RAD54L2: variants seen among roughly 807,000 people sequenced by gnomAD.
RAD54L2 encodes the protein helicase ARIP4.
RAD54L2 carries 27 observed loss-of-function variants against 138.4 expected under a neutral mutation model. The ratio of observed to expected loss-of-function variants is 0.20; its 90% CI spans 0.14 to 0.27. The LOEUF (loss-of-function observed/expected upper bound fraction) is 0.27, where lower values mean the gene tolerates loss of function less well. Ranked by LOEUF, RAD54L2 falls within the 10% of genes least tolerant of loss-of-function variation. The pLI is 1.00. For missense variants in RAD54L2, 1,396 were observed against 1,890.2 expected, an observed-to-expected ratio of 0.74 and a Z score of 4.85; for synonymous variants, 644 against 723.2, an observed-to-expected ratio of 0.89 and a Z score of 1.76.
intron 2 of RAD54L2, among the ~76,000 whole-genome samples, chr3:51,549,735 G>A (rs1246059861): frequency 2.1e-5 from 3 of 144,492 alleles, no homozygotes; most frequent in Non-Finnish European, 3.0e-5. Flanking sequence ...CTGAGATCAC[G>A]CCACTGCACT....
At chr3:51,610,183 G>A (rs1700296028) in intron 3 of RAD54L2, among the ~76,000 whole-genome samples, 1 of 151,962 alleles carries the variant, frequency 6.6e-6, no homozygotes, top group Admixed American at 6.6e-5. Flanking sequence ...AGGGAGAAGC[G>A]ATGTGATTCT....
Position 51,645,093 on chromosome 3 carries a change from T to G in RAD54L2, c.2520T>G (p.Pro840=), listed in dbSNP as rs772059939. 3 of 1,614,004 alleles carry G rather than the reference T, an allele frequency of 1.9e-6. No individual in the cohort carries two copies. The highest frequency in any genetic ancestry group is 2.5e-6 in the Non-Finnish European group (3 of 1,179,888). Reference sequence around the variant, plus strand: ...TGGTGTTTGATGCTTCCTGGAACCCTTGCCATGATGCCCAGGCAGTATGTC... The same window carrying G: ...TGGTGTTTGATGCTTCCTGGAACCCGTGCCATGATGCCCAGGCAGTATGTC... ...RVVVFDASWN[P]CHDAQAVCRV... Residue 840 remains proline, a synonymous_variant, in exon 17 of 23, where the codon CCT becomes CCG. Transcript: ENST00000684192. The surrounding 1 kb of genome is among the most constrained non-coding windows in gnomAD (Gnocchi z 6.1).
chr3:51,551,986 G>A (rs1698850857), intron 2 of RAD54L2, among the ~76,000 whole-genome samples: 2 of 151,860 alleles, frequency 1.3e-5, no homozygotes, highest in South Asian at 2.1e-4. Context: ...TCTTGACCTC[G>A]TGATCTGCCC....
At chr3:51,634,358 A>AAT (rs1700926531) in intron 9 of RAD54L2, among the ~76,000 whole-genome samples, 4 of 94,928 alleles carry the variant, frequency 4.2e-5, no homozygotes, top group Admixed American at 1.1e-4. Flanking sequence ...CCACTGTCTG[A>AAT]TTTTTTTTTT....
At chr3:51,611,092 C>G (rs1559636010) in intron 3 of RAD54L2, among the ~76,000 whole-genome samples, 1 of 151,982 alleles carries the variant, frequency 6.6e-6, no homozygotes, top group Non-Finnish European at 1.5e-5. Flanking sequence ...TAGCCCATTC[C>G]TTTAACAGAT....
In RAD54L2 at chr3:51,662,109, A is replaced by G. The variant is rs1701792440; in HGVS notation, c.3410-317A>G. ...ATCACTGACTGTCTCTTACTGCCAG[A>G]AAAAGTTTGACTAGTTTTAAGAATG... On this transcript the variant is annotated intron_variant, in intron 22 of 22. Transcript: ENST00000684192. This position sits in a 1 kb window ranked among gnomAD's most constrained non-coding sequence, Gnocchi z 4.6. Among the ~76,000 whole-genome samples the G allele has an allele frequency of 6.6e-6, 1 of 152,160 alleles. No homozygotes were observed. Among genetic ancestry groups the G allele is most frequent in the Non-Finnish European group, 1.5e-5 (1 of 68,032 alleles).
intron 10 of RAD54L2, among the ~76,000 whole-genome samples, chr3:51,636,912 G>A (rs1020769658): frequency 1.3e-5 from 2 of 151,930 alleles, no homozygotes; most frequent in African/African-American, 2.4e-5. Context: ...CAGCCTGGAC[G>A]ACAGTGTGAG....
chr3:51,639,305 A>G (rs778984957), intron 12 of RAD54L2, 114 bp from the exon 13 acceptor site: 15 of 1,292,194 alleles, frequency 1.2e-5, no homozygotes, highest in African/African-American at 3.0e-5. Context: ...TTTTGGTGTG[A>G]CAGTGTTTAT....
chr3:51,590,379 G>T lies in RAD54L2; in HGVS notation c.-42G>T. On this transcript the variant is annotated 5_prime_UTR_variant, in exon 3 of 23. Coordinates refer to ENST00000684192, the MANE Select transcript of RAD54L2 (RefSeq NM_015106.4). Reference sequence around the variant, plus strand: ...CATCCTCTCCTAGCACCCCTGCAGTGGACCATGAGTCGGTAATGCCCACTG... The same window carrying T: ...CATCCTCTCCTAGCACCCCTGCAGTTGACCATGAGTCGGTAATGCCCACTG... 6.7e-7 allele frequency: 1 copy of T among 1,485,226 alleles called. No homozygotes were observed. The allele number at this position is 1,485,226 out of a possible 1,614,324, so 92.0% of individuals were successfully genotyped here. A position where few individuals can be genotyped will look rare whatever the true frequency, so the allele number is the denominator to read the frequency against.
intron 2 of RAD54L2, among the ~76,000 whole-genome samples, chr3:51,562,455 C>T (rs1699121585): frequency 6.6e-6 from 1 of 152,204 alleles, no homozygotes; most frequent in Non-Finnish European, 1.5e-5. Context: ...GTTTTGAACT[C>T]TGGACCTCAG....
intron 2 of RAD54L2, among the ~76,000 whole-genome samples, chr3:51,586,055 G>C (rs943294836): frequency 6.6e-6 from 1 of 151,722 alleles, no homozygotes; most frequent in Non-Finnish European, 1.5e-5. Flanking sequence ...TAACAGTTCT[G>C]CTAAGAGCTG....
At chr3:51,646,772 A>T (rs911155594) in intron 19 of RAD54L2, among the ~76,000 whole-genome samples, 2 of 152,178 alleles carry the variant, frequency 1.3e-5, no homozygotes, top group East Asian at 3.9e-4. Context: ...AGGCCCAGCC[A>T]TTCCACACAG....
At chr3:51,562,734 A>G (rs897467260) in intron 2 of RAD54L2, among the ~76,000 whole-genome samples, 14 of 152,026 alleles carry the variant, frequency 9.2e-5, no homozygotes, top group Non-Finnish European at 7.4e-5. Flanking sequence ...GGCTGGTCTC[A>G]AAGTCTGTGC....
At chr3:51,602,076 C>T (rs1261709700) in intron 3 of RAD54L2, among the ~76,000 whole-genome samples, 1 of 152,028 alleles carries the variant, frequency 6.6e-6, no homozygotes, top group Non-Finnish European at 1.5e-5. Flanking sequence ...AAGTGATCCG[C>T]CTGCCTTTGC....
chr3:51,555,160 G>A (rs901940260), intron 2 of RAD54L2, among the ~76,000 whole-genome samples: 7 of 152,194 alleles, frequency 4.6e-5, no homozygotes, highest in East Asian at 3.9e-4. Flanking sequence ...CCTTTCTATT[G>A]ATTCCAGATT....
intron 3 of RAD54L2, among the ~76,000 whole-genome samples, chr3:51,610,785 AG>A (rs1289245650): frequency 6.6e-6 from 1 of 152,172 alleles, no homozygotes; most frequent in Non-Finnish European, 1.5e-5. Flanking sequence ...GGTCTCCTTG[AG>A]AGAGGCTGCC....
At position 51,637,042 on chromosome 3, in the gene RAD54L2, C is replaced by G; in HGVS notation, c.1340-119C>G. On this transcript the variant is annotated intron_variant, in intron 10 of 22. Coordinates refer to ENST00000684192, the MANE Select transcript of RAD54L2 (RefSeq NM_015106.4). The surrounding 1 kb of genome is among the most constrained non-coding windows in gnomAD (Gnocchi z 5.9). ...ACCCTCTCACCAAGGGGGGCTGACT[C>G]TTGCTTTCCTGCTTCCTTCATTTCT... is the stretch of plus-strand genomic sequence containing the variant. 1.1e-6 allele frequency: 1 copy of G among 913,610 alleles called. No individual in the cohort carries two copies. Among genetic ancestry groups the G allele is most frequent in the South Asian group, 1.5e-5 (1 of 64,872 alleles). 56.6% of individuals were successfully genotyped at this position (913,610 alleles called of 1,614,324 possible). A position where few individuals can be genotyped will look rare whatever the true frequency, so the allele number is the denominator to read the frequency against.
At chr3:51,561,525 G>A (rs550602503) in intron 2 of RAD54L2, among the ~76,000 whole-genome samples, 4 of 151,802 alleles carry the variant, frequency 2.6e-5, no homozygotes, top group African/African-American at 7.3e-5. Context: ...GATTATAGGC[G>A]TGAGCCACCA....
In RAD54L2 at chr3:51,638,407, T is replaced by A; in HGVS notation, c.1860+86T>A. On this transcript the variant is annotated intron_variant, in intron 12 of 22. Transcript: ENST00000684192. This position sits in a 1 kb window ranked among gnomAD's most constrained non-coding sequence, Gnocchi z 4.3. ...AGTTACTCCTACTGAGAGTCTTCAATAAAGGGAGAATAAAGTGAGAGGGGG... is the reference window on the plus strand; with the variant it reads ...AGTTACTCCTACTGAGAGTCTTCAAAAAAGGGAGAATAAAGTGAGAGGGGG... 1 of 1,507,932 alleles carries A rather than the reference T, an allele frequency of 6.6e-7. No homozygotes were observed. The highest frequency in any genetic ancestry group is 2.4e-4 in the Middle Eastern group (1 of 4,144). 93.4% of individuals were successfully genotyped at this position (1,507,932 alleles called of 1,614,324 possible). A position where few individuals can be genotyped will look rare whatever the true frequency, so the allele number is the denominator to read the frequency against.
Sources: allele counts gnomAD v4.1 joint callset (sites outside exome capture counted in the v4.1 genomes callset), GRCh38; gene constraint gnomAD v4.1.1; non-coding constraint Gnocchi (gnomAD v3.1); transcripts MANE v1.5; gene names NCBI Gene and HGNC (gene_info 2026-07-23, HGNC 2026-07-21).